Variants in HTT observed in about 807,000 individuals in gnomAD.
The protein encoded by HTT is huntingtin, also known as huntington disease protein.
A neutral mutation model predicts 362.3 loss-of-function variants in HTT; 104 were observed. The ratio of observed to expected loss-of-function variants is 0.29; its 90% confidence interval spans 0.24 to 0.34. The LOEUF is 0.34. Ranked by LOEUF, HTT falls within the 10% of genes least tolerant of loss-of-function variation. The pLI, the probability that HTT is intolerant of heterozygous loss-of-function variation, is 1.00. For missense variants in HTT, 3,301 were observed against 3,928.6 expected, an observed-to-expected ratio of 0.84 and a Z score of 4.27; for synonymous variants, 1,577 against 1,548.7, an observed-to-expected ratio of 1.02 and a Z score of -0.43.
chr4:3,162,994 G>T (rs901382690), intron 29 of HTT, among the ~76,000 whole-genome samples: 2 of 152,186 alleles, frequency 1.3e-5, no homozygotes, highest in Non-Finnish European at 2.9e-5. Context: ...GGGCATCCTT[G>T]TCTTGTGCCG....
intron 6 of HTT, among the ~76,000 whole-genome samples, chr4:3,110,369 G>T (rs1434831975): frequency 6.6e-6 from 1 of 152,114 alleles, no homozygotes; most frequent in Non-Finnish European, 1.5e-5. Flanking sequence ...TTTTTCCCCA[G>T]TGTGGTCATC....
chr4:3,230,308 T>C (rs1721191203), intron 60 of HTT, among the ~76,000 whole-genome samples: 1 of 152,172 alleles, frequency 6.6e-6, no homozygotes, highest in Admixed American at 6.5e-5. Flanking sequence ...TATGACATCA[T>C]TGTAGTAGCC....
chr4:3,111,193 CT>C (rs1161560027), intron 6 of HTT, among the ~76,000 whole-genome samples: 6,165 of 134,774 alleles, frequency 0.046, 166 homozygotes, highest in African/African-American at 0.089. Flanking sequence ...ATTTTCTTTA[CT>C]TTTTTTTTTT....
At chr4:3,192,521 C>G (rs1368192529) in intron 40 of HTT, among the ~76,000 whole-genome samples, 1 of 152,144 alleles carries the variant, frequency 6.6e-6, no homozygotes, top group African/African-American at 2.4e-5. Context: ...GACCATAAAC[C>G]CCTGAATGCT....
intron 1 of HTT, among the ~76,000 whole-genome samples, chr4:3,085,576 T>C (rs996138247): frequency 6.6e-6 from 1 of 152,254 alleles, no homozygotes; most frequent in Non-Finnish European, 1.5e-5. Flanking sequence ...TACTTACTTT[T>C]CATGTAGAAC....
chr4:3,112,767 G>T (rs1714823404), intron 6 of HTT, among the ~76,000 whole-genome samples: 1 of 152,206 alleles, frequency 6.6e-6, no homozygotes, highest in South Asian at 2.1e-4. Context: ...CACAGCTAGA[G>T]GTGGAGTTGT....
intron 36 of HTT, among the ~76,000 whole-genome samples, chr4:3,181,251 C>T (rs1447240351): frequency 2.0e-5 from 3 of 152,124 alleles, no homozygotes; most frequent in Non-Finnish European, 2.9e-5. Context: ...GTCACGAGAT[C>T]GTTCAAGATA....
intron 36 of HTT, among the ~76,000 whole-genome samples, chr4:3,181,027 C>T (rs1043613275): frequency 6.6e-6 from 1 of 151,986 alleles, no homozygotes; most frequent in Non-Finnish European, 1.5e-5. Context: ...CAGGCATGCA[C>T]CACCATGCCC....
intron 14 of HTT, 60 bp downstream of exon 14, chr4:3,130,483 C>A: frequency 3.3e-6 from 3 of 902,214 alleles, no homozygotes; most frequent in Admixed American, 4.5e-5. Context: ...GATTTAAAAT[C>A]GCCCTGGCTA....
chr4:3,136,081 G>T (rs1716051800), intron 20 of HTT, 114 bp downstream of exon 20: 1 of 929,268 alleles, frequency 1.1e-6, no homozygotes, highest in Non-Finnish European at 1.7e-6. Context: ...TTATTTCACA[G>T]TTTATATCAT....
chr4:3,088,256 G>C (rs1713316148), intron 2 of HTT, among the ~76,000 whole-genome samples: 1 of 144,194 alleles, frequency 6.9e-6, no homozygotes, highest in African/African-American at 2.6e-5. Context: ...GCATGATCTT[G>C]GCTTACTGCA....
At chr4:3,129,612 A>G in intron 12 of HTT, 1 of 242,246 alleles carries the variant, frequency 4.1e-6, no homozygotes, top group Non-Finnish European at 8.0e-6. Context: ...ACTTGCTGTA[A>G]AATTTGTTTG....
rs538574169 is a variant in HTT at position 3,078,138 on chromosome 4, C to T, written c.263+3050C>T. On this transcript the variant is annotated intron_variant, in intron 1 of 66. Transcript: ENST00000355072. ...GCAAATCTAGCATGCTTGGGAGGGT[C>T]CTCACAGTAATTAGGAGGCAATTAA... Among the ~76,000 whole-genome samples the T allele has an allele frequency of 1.2e-4, 19 of 152,246 alleles. No individual in the cohort carries two copies. The South Asian group carries it at 3.9e-3, about 32-fold the overall frequency.
In HTT at chr4:3,228,575, T is replaced by C; in HGVS notation, c.7849-40T>C. On this transcript the variant is annotated intron_variant, in intron 57 of 66. Coordinates refer to ENST00000355072, the MANE Select transcript of HTT (RefSeq NM_001388492.1). This position sits in a 1 kb window ranked among gnomAD's most constrained non-coding sequence, Gnocchi z 4.3. ...CACCCACCCACCAGGAGCCTGGCAC[T>C]GTGGCCGCAGCACTGAGCAGTGCCC... 6.6e-7 allele frequency: 1 copy of C among 1,516,832 alleles called. No homozygotes were observed. Among genetic ancestry groups the C allele is most frequent in the Non-Finnish European group, 8.8e-7 (1 of 1,132,482 alleles). 94.0% of individuals were successfully genotyped at this position (1,516,832 alleles called of 1,614,324 possible).
chr4:3,236,047 C>G (rs1318402892), intron 63 of HTT, 102 bp from the exon 64 acceptor site: 1 of 893,494 alleles, frequency 1.1e-6, no homozygotes, highest in Non-Finnish European at 1.9e-6. Flanking sequence ...CACCTGCTTT[C>G]AGATCTCCAG....
intron 45 of HTT, 128 bp downstream of exon 45, chr4:3,207,485 T>G: frequency 5.5e-6 from 4 of 723,172 alleles, no homozygotes; most frequent in Non-Finnish European, 7.1e-6. Flanking sequence ...ACTGCAGAAG[T>G]GCCATAATAG....
chr4:3,095,290 C>T (rs539113602), intron 2 of HTT, among the ~76,000 whole-genome samples: 65 of 152,332 alleles, frequency 4.3e-4, no homozygotes, highest in Middle Eastern at 3.4e-3. Flanking sequence ...CTCGGGAGGC[C>T]GAGGCTGGCA....
chr4:3,216,229 A>G (rs959927042), intron 51 of HTT, among the ~76,000 whole-genome samples: 4 of 152,216 alleles, frequency 2.6e-5, no homozygotes, highest in African/African-American at 9.6e-5. Flanking sequence ...CCCAGAAGCA[A>G]TGGCATTTTA....
At chr4:3,166,178 C>G (rs1717696011) in intron 29 of HTT, among the ~76,000 whole-genome samples, 1 of 152,190 alleles carries the variant, frequency 6.6e-6, no homozygotes, top group African/African-American at 2.4e-5. Flanking sequence ...CCCTCAGCTG[C>G]AGGTCTGTTG....
Sources: allele counts gnomAD v4.1 joint callset (sites outside exome capture counted in the v4.1 genomes callset), GRCh38; gene constraint gnomAD v4.1.1; non-coding constraint Gnocchi (gnomAD v3.1); transcripts MANE v1.5; gene names NCBI Gene and HGNC (gene_info 2026-07-23, HGNC 2026-07-21).